Variants in DRD3 observed in about 807,000 individuals in gnomAD.
DRD3 encodes the protein dopamine receptor D3.
Under a neutral mutation model 36.3 loss-of-function variants are expected in DRD3, and 19 were observed. The observed-to-expected ratio is 0.52, with a 90% CI of 0.36 to 0.77. DRD3 has a LOEUF of 0.77. DRD3 is among the 30% of genes least tolerant of loss of function. The pLI, the probability that DRD3 is intolerant of heterozygous loss-of-function variation, is 0.00. For synonymous variants in DRD3, 195 were observed against 203.7 expected (o/e 0.96, Z 0.36); for missense variants, 465 against 505.3 (o/e 0.92, Z 0.77).
intron 2 of DRD3, among the ~76,000 whole-genome samples, chr3:114,162,469 G>GA (rs760085922): frequency 6.6e-6 from 1 of 152,140 alleles, no homozygotes; most frequent in Non-Finnish European, 1.5e-5. Flanking sequence ...CCCAGAGCAG[G>GA]GCCCAACCAT....
chr3:114,193,211 G>A (rs544423748), intron 1 of DRD3, among the ~76,000 whole-genome samples: 76 of 152,256 alleles, frequency 5.0e-4, no homozygotes, highest in African/African-American at 1.3e-3. Context: ...CCTGGGAGGC[G>A]GAGCTTGGAG....
chr3:114,189,444 A>G (rs1008928324), intron 1 of DRD3, among the ~76,000 whole-genome samples: 6 of 152,146 alleles, frequency 3.9e-5, no homozygotes, highest in Non-Finnish European at 7.4e-5. Context: ...TTTGGAAAAG[A>G]TGAAGTTGGA....
intron 3 of DRD3, among the ~76,000 whole-genome samples, chr3:114,156,262 T>G (rs2077666185): frequency 6.6e-6 from 1 of 152,212 alleles, no homozygotes; most frequent in African/African-American, 2.4e-5. Context: ...CCTTCTCCCC[T>G]GAGTTCCAGA....
chr3:114,173,851 C>T (rs1244226636), intron 1 of DRD3, among the ~76,000 whole-genome samples: 1 of 152,092 alleles, frequency 6.6e-6, no homozygotes, highest in Non-Finnish European at 1.5e-5. Context: ...CAGGCCTTGG[C>T]AAAAGTAGAG....
chr3:114,157,251 A>G (rs892112881), intron 3 of DRD3, among the ~76,000 whole-genome samples: 4 of 151,818 alleles, frequency 2.6e-5, no homozygotes, highest in Non-Finnish European at 5.9e-5. Flanking sequence ...ATGGGTTTTC[A>G]TCATATTGGC....
rs951009874 is a variant in DRD3 at position 114,128,622 on chromosome 3, A to C, written c.*94T>G. ...TCCTGGCTCCAGGAATCTTCTTCCT[A>C]CTGCATGCCGGAGGACACTGCACAG... On this transcript the variant is annotated 3_prime_UTR_variant, in exon 7 of 7. Coordinates refer to ENST00000383673, the MANE Select transcript of DRD3 (RefSeq NM_000796.6). The C allele has an allele frequency of 4.0e-6, 5 of 1,257,394 alleles. No individual in the cohort carries two copies. In the African/African-American group the frequency reaches 6.0e-5, roughly 15 times the overall value. 77.9% of individuals were successfully genotyped at this position (1,257,394 alleles called of 1,614,324 possible).
intron 1 of DRD3, among the ~76,000 whole-genome samples, chr3:114,173,315 T>G (rs1264967290): frequency 3.9e-5 from 6 of 152,174 alleles, no homozygotes; most frequent in Admixed American, 3.9e-4. Context: ...CCAAAAGGAC[T>G]AAGGCACCCT....
At chr3:114,133,712 G>A (rs78460225) in intron 5 of DRD3, among the ~76,000 whole-genome samples, 1,982 of 8,492 alleles carry the variant, frequency 0.23, 34 homozygotes, top group East Asian at 0.5. Context: ...GGAGGGGGAG[G>A]TGTGTGTGTG....
intron 6 of DRD3, among the ~76,000 whole-genome samples, chr3:114,129,817 G>A (rs1368669065): frequency 6.6e-6 from 1 of 152,184 alleles, no homozygotes; most frequent in Admixed American, 6.5e-5. Context: ...CAGCAGTTTG[G>A]GAGGCCAAGG....
chr3:114,131,028 A>C, intron 6 of DRD3, 90 bp downstream of exon 6: 3 of 1,435,498 alleles, frequency 2.1e-6, no homozygotes, highest in Non-Finnish European at 2.8e-6. Flanking sequence ...TATTACTGTC[A>C]TCAAATTTCC....
At chr3:114,163,396 A>G (rs2077751735) in intron 2 of DRD3, among the ~76,000 whole-genome samples, 1 of 152,168 alleles carries the variant, frequency 6.6e-6, no homozygotes, top group Non-Finnish European at 1.5e-5. Flanking sequence ...TGAAGAGGTA[A>G]ATGTGATTTT....
rs57837932 is a variant in DRD3 at position 114,165,987 on chromosome 3, ATT to A, written c.270+5734_270+5735del. Among the ~76,000 whole-genome samples, 959 of 112,326 alleles carry A rather than the reference ATT, an allele frequency of 8.5e-3. 8 individuals carry two copies. Among genetic ancestry groups the A allele is most frequent in the South Asian group, 0.031 (104 of 3,388 alleles). The allele number at this position is 112,326 out of a possible 152,430, so 73.7% of individuals were successfully genotyped here. On this transcript the variant is annotated intron_variant, in intron 2 of 6. Coordinates refer to ENST00000383673, the MANE Select transcript of DRD3 (RefSeq NM_000796.6). ...ACCCGAGGTAGACCCAACAGTTTGTATTTTTTTTTTTTTTTTTTTTGAGACAG... is the reference window on the plus strand; with the variant it reads ...ACCCGAGGTAGACCCAACAGTTTGTATTTTTTTTTTTTTTTTTTGAGACAG...
chr3:114,148,855 G>A (rs2077592269), intron 3 of DRD3, among the ~76,000 whole-genome samples: 1 of 152,148 alleles, frequency 6.6e-6, no homozygotes, highest in Non-Finnish European at 1.5e-5. Context: ...TGGGACTACA[G>A]GCGCCTGCCA....
intron 3 of DRD3, among the ~76,000 whole-genome samples, chr3:114,153,745 G>A (rs2077639692): frequency 6.6e-6 from 1 of 152,140 alleles, no homozygotes; most frequent in Non-Finnish European, 1.5e-5. Context: ...ATAGACAGAG[G>A]CTGCCTGAAT....
chr3:114,153,836 T>C lies in DRD3; in HGVS notation c.383+5919A>G, dbSNP rs944327139. On this transcript the variant is annotated intron_variant, in intron 3 of 6. Coordinates refer to ENST00000383673, the MANE Select transcript of DRD3 (RefSeq NM_000796.6). ...AGTCTCAGCACCTTTATTTATATAGTGAGGGTATTACATCTCTCTCTCTGG... is the reference window on the plus strand; with the variant it reads ...AGTCTCAGCACCTTTATTTATATAGCGAGGGTATTACATCTCTCTCTCTGG... Among the ~76,000 whole-genome samples, 28 of 152,264 alleles carry C rather than the reference T, an allele frequency of 1.8e-4. 1 individual carries two copies. The highest frequency in any genetic ancestry group is 5.8e-4 in the African/African-American group (24 of 41,556).
Position 114,139,509 on chromosome 3 carries a change from G to T in DRD3, c.714C>A (p.Phe238Leu), listed in dbSNP as rs1307816482. The T allele has an allele frequency of 6.2e-7, 1 of 1,613,252 alleles. No individual in the cohort carries two copies. Among genetic ancestry groups the T allele is most frequent in the Non-Finnish European group, 8.5e-7 (1 of 1,179,732 alleles). The change falls in exon 5 of 7, where the codon TTC (phenylalanine) becomes TTA (leucine). Residue 238 changes from phenylalanine to leucine, a missense_variant. By Grantham distance (22) the Phe-to-Leu change is conservative (BLOSUM62 0). Transcript: ENST00000383673. ...NSQCNSVRPG[F>L]PQQTLSPDPA... ...CCTCCAGGGTACTTACTTGCTGGGG[G>T]AAGCCAGGCCTGACACTGTTGCACT...
At chr3:114,183,408 G>A (rs1457468891), upstream of DRD3, among the ~76,000 whole-genome samples, 1 of 152,148 alleles carries the variant, frequency 6.6e-6, no homozygotes, top group Non-Finnish European at 1.5e-5. Context: ...TTGTTGTTGG[G>A]TAGAGTGTTC....
At chr3:114,165,631 T>G (rs2077776101) in intron 2 of DRD3, among the ~76,000 whole-genome samples, 1 of 152,060 alleles carries the variant, frequency 6.6e-6, no homozygotes, top group Non-Finnish European at 1.5e-5. Context: ...ACTCCAACTC[T>G]AAAGGGATGA....
At chr3:114,180,916 G>A (rs892661339), upstream of DRD3, among the ~76,000 whole-genome samples, 3 of 152,134 alleles carry the variant, frequency 2.0e-5, no homozygotes, top group Admixed American at 6.5e-5. Flanking sequence ...ATGAAGCAAA[G>A]GCCTTCTAAG....
Sources: allele counts gnomAD v4.1 joint callset (sites outside exome capture counted in the v4.1 genomes callset), GRCh38; gene constraint gnomAD v4.1.1; transcripts MANE v1.5; gene names NCBI Gene and HGNC (gene_info 2026-07-23, HGNC 2026-07-21).